FRMD6: variants seen among roughly 807,000 people sequenced by gnomAD.
FRMD6 encodes the protein FERM domain-containing protein 6.
FRMD6 carries 37 observed loss-of-function variants against 73.2 expected under a neutral mutation model. The ratio of observed to expected loss-of-function variants is 0.51; its 90% confidence interval spans 0.39 to 0.66. The LOEUF is 0.66. FRMD6 is among the 30% of genes least tolerant of loss of function. The probability of loss-of-function intolerance (pLI) is 0.00; values close to 1 mark genes in which losing one functional copy is unlikely to be tolerated. For synonymous variants in FRMD6, 273 were observed against 282.2 expected (o/e 0.97, Z 0.33); for missense variants, 714 against 780.5 (o/e 0.91, Z 1.02).
At chr14:51,696,555 A>T (rs1895951913) in intron 2 of FRMD6, among the ~76,000 whole-genome samples, 1 of 151,944 alleles carries the variant, frequency 6.6e-6, no homozygotes, top group Admixed American at 6.6e-5. Context: ...GTATACTAAG[A>T]CTCAGAAAAG....
At chr14:51,675,108 A>G (rs1033616236) in intron 1 of FRMD6, among the ~76,000 whole-genome samples, 3 of 152,154 alleles carry the variant, frequency 2.0e-5, no homozygotes, top group Admixed American at 1.3e-4. Context: ...TGAAAATGAG[A>G]TTCCACACTT....
chr14:51,544,804 A>G (rs769150168), intron 1 of FRMD6, among the ~76,000 whole-genome samples: 9 of 152,076 alleles, frequency 5.9e-5, no homozygotes, highest in African/African-American at 9.7e-5. Flanking sequence ...ATAAGGATGA[A>G]AGGAAATTAG....
At chr14:51,536,706 C>T (rs895376908) in intron 1 of FRMD6, among the ~76,000 whole-genome samples, 3 of 151,874 alleles carry the variant, frequency 2.0e-5, no homozygotes, top group Non-Finnish European at 4.4e-5. Context: ...CGTGAGCCAC[C>T]GCACCTGGCC....
chr14:51,509,597 C>T (rs1258792837), intron 1 of FRMD6, among the ~76,000 whole-genome samples: 1 of 152,096 alleles, frequency 6.6e-6, no homozygotes, highest in Non-Finnish European at 1.5e-5. Flanking sequence ...GGTTTGCCAC[C>T]AGTAACAATG....
chr14:51,535,465 G>C (rs1885830295), intron 1 of FRMD6, among the ~76,000 whole-genome samples: 1 of 152,016 alleles, frequency 6.6e-6, no homozygotes, highest in South Asian at 2.1e-4. Flanking sequence ...GCCTATTATG[G>C]ACATGGAATA....
intron 1 of FRMD6, among the ~76,000 whole-genome samples, chr14:51,519,288 C>T (rs150768431): frequency 3.9e-3 from 585 of 151,708 alleles, no homozygotes; most frequent in African/African-American, 0.013. Flanking sequence ...TCTCGACCTC[C>T]CAAGTAGCTG....
At chr14:51,621,730 C>A (rs1345693104) in intron 2 of FRMD6, among the ~76,000 whole-genome samples, 3 of 152,136 alleles carry the variant, frequency 2.0e-5, no homozygotes, top group Non-Finnish European at 2.9e-5. Flanking sequence ...CACAACAGAA[C>A]AGAACCTTCC....
intron 1 of FRMD6, among the ~76,000 whole-genome samples, chr14:51,673,841 A>G (rs1894190558): frequency 1.3e-5 from 2 of 152,232 alleles, no homozygotes; most frequent in Admixed American, 6.5e-5. Context: ...TAGATTGTCC[A>G]GAGTTTGTGG....
At chr14:51,473,609 A>T in the FRMD6 span, among the ~76,000 whole-genome samples, 1 of 151,422 alleles carries the variant, frequency 6.6e-6, no homozygotes, top group Non-Finnish European at 1.5e-5. Flanking sequence ...CTCACCAAAA[A>T]CCTCTCTTGC....
intron 2 of FRMD6, among the ~76,000 whole-genome samples, chr14:51,571,688 C>T (rs9323212): frequency 0.49 from 73,805 of 151,836 alleles, 18,303 homozygotes; most frequent in Non-Finnish European, 0.54. Flanking sequence ...TATTTCTTGA[C>T]GAGTAGGTAT....
intron 2 of FRMD6, among the ~76,000 whole-genome samples, chr14:51,593,263 C>A (rs539632359): frequency 1.3e-5 from 2 of 152,242 alleles, no homozygotes; most frequent in Admixed American, 1.3e-4. Context: ...TCCCTTCTGA[C>A]AAAGAGAGGG....
chr14:51,587,159 T>C (rs897023665), intron 2 of FRMD6, among the ~76,000 whole-genome samples: 9 of 152,230 alleles, frequency 5.9e-5, no homozygotes, highest in African/African-American at 2.2e-4. Flanking sequence ...GGTGTCATTT[T>C]CCCAGTATAT....
At chr14:51,589,929 G>A (rs949190606) in intron 2 of FRMD6, among the ~76,000 whole-genome samples, 2 of 152,134 alleles carry the variant, frequency 1.3e-5, no homozygotes, top group South Asian at 2.1e-4. Flanking sequence ...TTAGTGGGGC[G>A]TGGTGGCAGG....
At chr14:51,534,701 G>A (rs532018610) in intron 1 of FRMD6, among the ~76,000 whole-genome samples, 1 of 152,308 alleles carries the variant, frequency 6.6e-6, no homozygotes, top group Admixed American at 6.5e-5. Context: ...GCTTTGTCAT[G>A]AGAAAAATCA....
upstream of FRMD6, among the ~76,000 whole-genome samples, chr14:51,648,107 G>A (rs1056637298): frequency 4.6e-5 from 7 of 152,176 alleles, no homozygotes; most frequent in Non-Finnish European, 1.0e-4. Context: ...TTACAGGCAT[G>A]AGCCACCGCG....
At position 51,704,801 on chromosome 14, in the gene FRMD6, C is replaced by T. The variant is rs771017490; in HGVS notation, c.424C>T (p.His142Tyr). Reference sequence around the variant, plus strand: ...CTGGCACCTGAGAAAACAAGTTCTTCATTCTCAGTGTGTGCTCCGAGAGGA... The same window carrying T: ...CTGGCACCTGAGAAAACAAGTTCTTTATTCTCAGTGTGTGCTCCGAGAGGA... ...YYWHLRKQVLHSQCVLREEAY... is the reference protein window; with the variant it reads ...YYWHLRKQVLYSQCVLREEAY... Residue 142 changes from histidine (H) to tyrosine (Y), a missense_variant, in exon 6 of 14, where the codon CAT becomes TAT. His to Tyr is a moderately conservative substitution (Grantham distance 83, BLOSUM62 2). Transcript: ENST00000344768. The T allele has an allele frequency of 2.5e-6, 4 of 1,613,328 alleles. No individual in the cohort carries two copies. In the East Asian group the frequency reaches 6.7e-5, roughly 27 times the overall value.
At chr14:51,630,196 G>A (rs1288149804) in intron 2 of FRMD6, among the ~76,000 whole-genome samples, 1 of 152,062 alleles carries the variant, frequency 6.6e-6, no homozygotes, top group Non-Finnish European at 1.5e-5. Flanking sequence ...AGAGAGGAAA[G>A]CAAAGAACCC....
intron 1 of FRMD6, among the ~76,000 whole-genome samples, chr14:51,489,865 G>A (rs2140161400): frequency 1.3e-5 from 2 of 152,296 alleles, no homozygotes; most frequent in South Asian, 4.1e-4. Flanking sequence ...AATGTTTCAA[G>A]AGCCCAACAA....
chr14:51,534,747 T>C (rs764422012), intron 1 of FRMD6, among the ~76,000 whole-genome samples: 3 of 152,184 alleles, frequency 2.0e-5, no homozygotes, highest in Non-Finnish European at 4.4e-5. Context: ...CAGGAAGCAG[T>C]TGGACAAAGG....
Sources: gnomAD v4.1 joint callset for allele counts (sites outside exome capture counted in the v4.1 genomes callset) on GRCh38, gnomAD v4.1.1 for gene constraint, MANE v1.5 for transcripts, NCBI Gene and HGNC (gene_info 2026-07-23, HGNC 2026-07-21) for gene names.